Variants in TRIOBP observed in about 807,000 individuals in gnomAD.
The protein encoded by TRIOBP is TRIO and F-actin binding protein, also known as TRIO and F-actin-binding protein.
In TRIOBP, 169 loss-of-function variants were observed where a neutral mutation model predicts 238.8. The observed-to-expected ratio is 0.71, with a 90% CI of 0.62 to 0.80. TRIOBP has a LOEUF of 0.80. Ranked by LOEUF, TRIOBP falls within the 30% of genes least tolerant of loss-of-function variation. TRIOBP has a pLI of 0.00. For synonymous variants in TRIOBP, 1,150 were observed against 1,274.4 expected, an observed-to-expected ratio of 0.90 and a Z score of 2.08; for missense variants, 2,838 against 3,122.6, an observed-to-expected ratio of 0.91 and a Z score of 2.17.
Position 37,710,445 on chromosome 22 carries a change from G to A in TRIOBP, c.133G>A (p.Gly45Ser). 3 of 1,613,516 alleles carry A rather than the reference G, an allele frequency of 1.9e-6. No homozygotes were observed. The highest frequency in any genetic ancestry group is 2.5e-6 in the Non-Finnish European group (3 of 1,180,016). ...GGCCCAGGAGCTCAGGAGCCCTTCAGGTGCTGAGGTGCCCTACTGCGACCT... is the reference window on the plus strand; with the variant it reads ...GGCCCAGGAGCTCAGGAGCCCTTCAAGTGCTGAGGTGCCCTACTGCGACCT... ...ARYQELRSPS[G>S]AEVPYCDLPR... Residue 45 changes from glycine (G) to serine (S), a missense_variant, in exon 4 of 24, where the codon GGT becomes AGT. Physicochemically the swap from Gly to Ser is moderately conservative, Grantham distance 56. Coordinates refer to ENST00000644935, the MANE Select transcript of TRIOBP (RefSeq NM_001039141.3).
chr22:37,775,787 CAAA>C lies in TRIOBP; in HGVS notation c.*2014_*2016del, dbSNP rs956872539. 2.7e-5 allele frequency: 4 copies of C among 150,314 alleles called. No homozygotes were observed. The highest frequency in any genetic ancestry group is 7.3e-5 in the African/African-American group (3 of 40,874). 9.3% of individuals were successfully genotyped at this position (150,314 alleles called of 1,614,324 possible). A position where few individuals can be genotyped will look rare whatever the true frequency, so the allele number is the denominator to read the frequency against. ...GTGTGACAAGGGCGAAACTCCATCT[CAAA>C]AAAAAAGGGGGAGGGTGGCGCAAGG... On this transcript the variant is annotated 3_prime_UTR_variant, in exon 24 of 24. Coordinates refer to ENST00000644935, the MANE Select transcript of TRIOBP (RefSeq NM_001039141.3).
chr22:37,746,502 G>A (rs1925279531), intron 11 of TRIOBP: 2 of 1,210,758 alleles, frequency 1.7e-6, no homozygotes, highest in Non-Finnish European at 2.1e-6. Flanking sequence ...CTCCCCTCCG[G>A]GGCAGCCCCC....
chr22:37,750,156 G>A, intron 11 of TRIOBP, among the ~76,000 whole-genome samples: 1 of 148,026 alleles, frequency 6.8e-6, no homozygotes, highest in Non-Finnish European at 1.5e-5. Flanking sequence ...AGGACTCAGA[G>A]AGGGGATGTG....
chr22:37,735,361 C>G lies in TRIOBP; in HGVS notation c.5025C>G (p.Thr1675=), dbSNP rs1436333671. Residue 1675 remains threonine, a synonymous_variant, in exon 9 of 24, where the codon ACC becomes ACG. Coordinates refer to ENST00000644935, the MANE Select transcript of TRIOBP (RefSeq NM_001039141.3). ...TCAAAGTGACAAGAGGACCAGCGAC[C>G]GCAACTCTGGCAGGCCTGGAGCAGA... The part of the protein sequence containing the change: ...PKIKVTRGPA[T]ATLAGLEQTG... 2 of 1,612,414 alleles carry G rather than the reference C, an allele frequency of 1.2e-6. No individual in the cohort carries two copies. The highest frequency in any genetic ancestry group is 8.5e-7 in the Non-Finnish European group (1 of 1,179,524).
Position 37,757,876 on chromosome 22 carries a change from A to G in TRIOBP, c.5951A>G (p.Glu1984Gly). 1.3e-6 allele frequency: 2 copies of G among 1,553,024 alleles called. No individual in the cohort carries two copies. The highest frequency in any genetic ancestry group is 1.7e-6 in the Non-Finnish European group (2 of 1,148,534). Reference sequence around the variant, plus strand: ...GAGCGGGACCTGGCCCAGCGCTCCGAGGAGCGGCGCAAGTGGTTTGAGGCC... The same window carrying G: ...GAGCGGGACCTGGCCCAGCGCTCCGGGGAGCGGCGCAAGTGGTTTGAGGCC... Reference protein sequence around the residue: ...ELERDLAQRSEERRKWFEATD... With the variant: ...ELERDLAQRSGERRKWFEATD... Residue 1984 changes from glutamate (E) to glycine (G), a missense_variant, in exon 16 of 24, where the codon GAG becomes GGG. Glu to Gly is a moderately conservative substitution (Grantham distance 98). Transcript: ENST00000644935.
chr22:37,765,015 G>T (rs531485767), intron 17 of TRIOBP, among the ~76,000 whole-genome samples: 13 of 152,332 alleles, frequency 8.5e-5, no homozygotes, highest in Admixed American at 2.0e-4. Context: ...GGGCACAGTG[G>T]CTCATGCCTG....
intron 7 of TRIOBP, among the ~76,000 whole-genome samples, chr22:37,726,914 T>G (rs975021527): frequency 2.0e-5 from 3 of 150,676 alleles, no homozygotes; most frequent in African/African-American, 7.3e-5. Flanking sequence ...TATTTTTTGT[T>G]TTTTTTTTTG....
chr22:37,731,092 G>A (rs2145839482), intron 7 of TRIOBP, among the ~76,000 whole-genome samples: 1 of 152,134 alleles, frequency 6.6e-6, no homozygotes, highest in Non-Finnish European at 1.5e-5. Flanking sequence ...TTATGGCTCT[G>A]ATTCTAATGA....
chr22:37,765,847 T>C, intron 18 of TRIOBP, 30 bp downstream of exon 18: 1 of 1,577,398 alleles, frequency 6.3e-7, no homozygotes, highest in African/African-American at 1.3e-5. Flanking sequence ...CACAGTGGGC[T>C]GGGCTCTGAG....
At chr22:37,761,770 C>G (rs1257405623) in intron 17 of TRIOBP, among the ~76,000 whole-genome samples, 1 of 150,724 alleles carries the variant, frequency 6.6e-6, no homozygotes, top group Admixed American at 6.6e-5. Flanking sequence ...GATAGAGGAG[C>G]AGGCAGGGGA....
At chr22:37,760,002 T>TC (rs1926159938) in intron 17 of TRIOBP, 1 of 192,786 alleles carries the variant, frequency 5.2e-6, no homozygotes, top group Non-Finnish European at 1.1e-5. Context: ...AGTGATTTTT[T>TC]CCATACTCTT....
Position 37,715,817 on chromosome 22 carries a change from G to C in TRIOBP, c.511G>C (p.Ala171Pro). The C allele has an allele frequency of 6.2e-7, 1 of 1,614,068 alleles. No homozygotes were observed. Among genetic ancestry groups the C allele is most frequent in the Non-Finnish European group, 8.5e-7 (1 of 1,180,004 alleles). ...EEEAPSWDELAVMIPRRPREG... is the reference protein window; with the variant it reads ...EEEAPSWDELPVMIPRRPREG... Reference sequence around the variant, plus strand: ...GGAGGCCCCCAGCTGGGACGAGCTCGCAGTGATGATCCCGAGGAGGCCTCG... The same window carrying C: ...GGAGGCCCCCAGCTGGGACGAGCTCCCAGTGATGATCCCGAGGAGGCCTCG... Residue 171 changes from alanine to proline, a missense_variant, in exon 6 of 24, where the codon GCA (alanine) becomes CCA (proline). This residue lies in a region of TRIOBP where 535 missense variants were observed against 537.3 expected (regional missense o/e 1.00). Transcript: ENST00000644935.
intron 6 of TRIOBP, among the ~76,000 whole-genome samples, chr22:37,719,650 A>G (rs1482544700): frequency 1.3e-5 from 2 of 152,054 alleles, no homozygotes; most frequent in Non-Finnish European, 2.9e-5. Context: ...CTTGTGCTAA[A>G]TAAATGTCTT....
At chr22:37,699,144 C>G (rs4821686) in intron 2 of TRIOBP, among the ~76,000 whole-genome samples, 115,124 of 151,946 alleles carry the variant, frequency 0.76, 43,834 homozygotes, top group East Asian at 0.84. Context: ...AGAGAGACTT[C>G]GTCTCAAAAA....
In TRIOBP at chr22:37,726,370, G is replaced by C; in HGVS notation, c.3814G>C (p.Val1272Leu). 2.5e-6 allele frequency: 4 copies of C among 1,597,632 alleles called. No homozygotes were observed. Among genetic ancestry groups the C allele is most frequent in the Non-Finnish European group, 3.4e-6 (4 of 1,171,376 alleles). Residue 1272 changes from valine (V) to leucine (L), a missense_variant, in exon 7 of 24, where the codon GTG (valine) becomes CTG (leucine). Transcript: ENST00000644935. ...RHNLEREEYT[V>L]LADLPPPRRL... ...CAACTTGGAGCGGGAGGAGTACACT[G>C]TGCTGGCCGACCTGCCCCCACCCAG...
At chr22:37,750,756 A>C (rs1297259891) in intron 11 of TRIOBP, 2 of 470,836 alleles carry the variant, frequency 4.2e-6, no homozygotes, top group Admixed American at 4.7e-5. Context: ...ATACCTGAGA[A>C]GGGGCTCCGT....
intron 17 of TRIOBP, among the ~76,000 whole-genome samples, chr22:37,763,604 AT>A (rs201264413): frequency 0.013 from 1,908 of 152,138 alleles, 14 homozygotes; most frequent in Non-Finnish European, 0.021. Flanking sequence ...GACCTTAAAC[AT>A]TTTTTTAATT....
chr22:37,728,963 T>G (rs905332279), intron 7 of TRIOBP, among the ~76,000 whole-genome samples: 1 of 152,212 alleles, frequency 6.6e-6, no homozygotes, highest in African/African-American at 2.4e-5. Context: ...TCACCCAGGC[T>G]GGAGTGCAGT....
chr22:37,756,738 G>T (rs536956810), intron 15 of TRIOBP, among the ~76,000 whole-genome samples: 1 of 152,344 alleles, frequency 6.6e-6, no homozygotes, highest in East Asian at 1.9e-4. Context: ...ACAAGTAGCT[G>T]TGGGAATACT....
Sources: gnomAD v4.1 joint callset for allele counts (sites outside exome capture counted in the v4.1 genomes callset) on GRCh38, gnomAD v4.1.1 for gene constraint, gnomAD v4.1.1 regional missense constraint, MANE v1.5 for transcripts, NCBI Gene and HGNC (gene_info 2026-07-23, HGNC 2026-07-21) for gene names.